CDYL: variants seen among roughly 807,000 people sequenced by gnomAD.
CDYL encodes chromodomain Y-like protein.
CDYL carries 8 observed loss-of-function variants against 47.3 expected under a neutral mutation model. The observed-to-expected ratio is 0.17, with a 90% CI of 0.10 to 0.31. The LOEUF is 0.31. CDYL is among the 10% of genes least tolerant of loss of function. CDYL has a pLI of 1.00. For missense variants in CDYL, 471 were observed against 701.4 expected (o/e 0.67, Z 3.71); for synonymous variants, 266 against 265.0 (o/e 1.00, Z -0.04).
chr6:4,758,366 A>ATG (rs1215213582), intron 3 of CDYL, among the ~76,000 whole-genome samples: 1 of 144,396 alleles, frequency 6.9e-6, no homozygotes, highest in African/African-American at 2.6e-5. Context: ...ATATATATAT[A>ATG]TATATCTCTT....
intron 1 of CDYL, among the ~76,000 whole-genome samples, chr6:4,819,209 C>T (rs1170265060): frequency 2.3e-5 from 3 of 128,346 alleles, no homozygotes; most frequent in African/African-American, 8.6e-5. Context: ...TTTCATTTTT[C>T]GTGAATAGGG....
At chr6:4,803,087 GCCCTT>G (rs1467834404) in intron 1 of CDYL, among the ~76,000 whole-genome samples, 1 of 152,150 alleles carries the variant, frequency 6.6e-6, no homozygotes, top group Admixed American at 6.5e-5. Context: ...AGTTTCAAGA[GCCCTT>G]CAGCCTTAGA....
At chr6:4,919,845 G>A (rs765831328) in intron 2 of CDYL, among the ~76,000 whole-genome samples, 13 of 152,010 alleles carry the variant, frequency 8.6e-5, no homozygotes, top group African/African-American at 1.5e-4. Context: ...ATGATGCAGC[G>A]GTTCTATTTC....
chr6:4,919,478 A>T (rs1385875523), intron 2 of CDYL, among the ~76,000 whole-genome samples: 1 of 152,230 alleles, frequency 6.6e-6, no homozygotes, highest in African/African-American at 2.4e-5. Flanking sequence ...AGATTTTGGA[A>T]TATTTGCATT....
chr6:4,775,676 C>T (rs1228808101), upstream of CDYL, among the ~76,000 whole-genome samples: 1 of 149,358 alleles, frequency 6.7e-6, no homozygotes, highest in African/African-American at 2.4e-5. The surrounding 1 kb of genome is among the most constrained non-coding windows in gnomAD (Gnocchi z 7.0). Context: ...ATCCCACCCC[C>T]GGCCTGCCGC....
intron 1 of CDYL, among the ~76,000 whole-genome samples, chr6:4,860,154 G>A (rs952023858): frequency 1.3e-5 from 2 of 152,026 alleles, no homozygotes; most frequent in Non-Finnish European, 2.9e-5. Flanking sequence ...GCCCGCCTCG[G>A]CCTCCCAAAG....
intron 2 of CDYL, among the ~76,000 whole-genome samples, chr6:4,734,193 G>C (rs1431905863): frequency 6.6e-6 from 1 of 152,162 alleles, no homozygotes; most frequent in East Asian, 1.9e-4. Flanking sequence ...GAAAGGACTA[G>C]GGGAAAGGTG....
At chr6:4,928,748 AT>A (rs1375065755) in intron 2 of CDYL, 1 of 151,166 alleles carries the variant, frequency 6.6e-6, no homozygotes, top group Non-Finnish European at 1.5e-5. Context: ...TAATGATTTT[AT>A]TTTTTCTCTT....
intron 3 of CDYL, among the ~76,000 whole-genome samples, chr6:4,738,414 A>G (rs1186273238): frequency 6.6e-6 from 1 of 152,256 alleles, no homozygotes; most frequent in African/African-American, 2.4e-5. Context: ...AAACAAATGC[A>G]GGAAAAGTTG....
In CDYL at chr6:4,935,518, C is replaced by T; in HGVS notation, c.695C>T (p.Thr232Ile). Residue 232 changes from threonine (T) to isoleucine (I), a missense_variant, in exon 3 of 7, where the codon ACA becomes ATA. Physicochemically the swap from Thr to Ile is moderately conservative, Grantham distance 89. This residue lies in a region of CDYL where 311 missense variants were observed against 350.0 expected (regional missense o/e 0.89). Coordinates refer to ENST00000397588, the MANE Select transcript of CDYL (RefSeq NM_004824.4). Reference sequence around the variant, plus strand: ...TGTGATTTCAAACTCTCGGCAGGTACATCTCCGTTCATGGATGCATTAACA... The same window carrying T: ...TGTGATTTCAAACTCTCGGCAGGTATATCTCCGTTCATGGATGCATTAACA... ...ATGLAVNGKG[T>I]SPFMDALTAN... The T allele has an allele frequency of 6.2e-7, 1 of 1,613,940 alleles. No individual in the cohort carries two copies. Among genetic ancestry groups the T allele is most frequent in the Non-Finnish European group, 8.5e-7 (1 of 1,179,816 alleles).
chr6:4,810,598 A>G (rs75450465), intron 1 of CDYL, among the ~76,000 whole-genome samples: 3,538 of 152,300 alleles, frequency 0.023, 146 homozygotes, highest in African/African-American at 0.08. Flanking sequence ...GCCTGGTGTC[A>G]TAGTCCATTT....
chr6:4,883,364 A>G (rs808621), intron 1 of CDYL, among the ~76,000 whole-genome samples: 3,423 of 152,258 alleles, frequency 0.022, 126 homozygotes, highest in African/African-American at 0.078. Flanking sequence ...TGAAGCTTTC[A>G]GATCTGCCAT....
intron 1 of CDYL, among the ~76,000 whole-genome samples, chr6:4,873,287 A>C (rs1761526153): frequency 6.6e-6 from 1 of 152,200 alleles, no homozygotes; most frequent in African/African-American, 2.4e-5. Context: ...TAAATATTTA[A>C]ATCAATTTTT....
intron 2 of CDYL, among the ~76,000 whole-genome samples, chr6:4,726,112 G>A (rs1487688682): frequency 7.9e-5 from 12 of 152,118 alleles, no homozygotes; most frequent in Admixed American, 5.2e-4. Flanking sequence ...AGATTTAGAG[G>A]TTAAAATTCT....
intron 2 of CDYL, among the ~76,000 whole-genome samples, chr6:4,722,905 G>A (rs1757398382): frequency 6.6e-6 from 1 of 152,072 alleles, no homozygotes; most frequent in Non-Finnish European, 1.5e-5. Flanking sequence ...CCACAGTCCT[G>A]GGAACACCCC....
At chr6:4,706,743 G>A (rs1757053522) in intron 1 of CDYL, among the ~76,000 whole-genome samples, 1 of 152,090 alleles carries the variant, frequency 6.6e-6, no homozygotes, top group Non-Finnish European at 1.5e-5. Flanking sequence ...GAGTCGAGAT[G>A]GCACCACTGC....
chr6:4,900,017 T>C (rs1197273392), intron 2 of CDYL, among the ~76,000 whole-genome samples: 1 of 152,228 alleles, frequency 6.6e-6, no homozygotes, highest in East Asian at 1.9e-4. Flanking sequence ...CATCCTGTTG[T>C]AAACAGAATG....
At chr6:4,775,666 A>C (rs1340017749), upstream of CDYL, among the ~76,000 whole-genome samples, 1 of 149,664 alleles carries the variant, frequency 6.7e-6, no homozygotes, top group African/African-American at 2.4e-5. The surrounding 1 kb of genome is among the most constrained non-coding windows in gnomAD (Gnocchi z 7.0). Context: ...CGCCCCCCGG[A>C]TCCCACCCCC....
At position 4,765,534 on chromosome 6, in the gene CDYL, A is replaced by C. The variant is rs1267382189; in HGVS notation, c.186+30690A>C. On this transcript the variant is annotated intron_variant, in intron 3 of 8. Transcript: ENST00000328908. ...TTCATACATTTGAAAAGAAGACTGA[A>C]GATCAATGAACAAAGTCATCTTTTT... 2.6e-5 allele frequency among the ~76,000 whole-genome samples: 4 copies of C among 151,890 alleles called. No homozygotes were observed. In the East Asian group the frequency reaches 7.7e-4, roughly 29 times the overall value.
Sources: allele counts gnomAD v4.1 joint callset (sites outside exome capture counted in the v4.1 genomes callset), GRCh38; gene constraint gnomAD v4.1.1; regional missense constraint gnomAD v4.1.1; non-coding constraint Gnocchi (gnomAD v3.1); transcripts MANE v1.5; gene names NCBI Gene and HGNC (gene_info 2026-07-23, HGNC 2026-07-21).